The following PPP2R1B variants were observed in gnomAD, a reference collection of about 807,000 sequenced individuals.
PPP2R1B encodes serine/threonine-protein phosphatase 2A 65 kDa regulatory subunit A beta isoform.
A neutral mutation model predicts 72.7 loss-of-function variants in PPP2R1B; 58 were observed. The ratio of observed to expected loss-of-function variants is 0.80; its 90% confidence interval spans 0.65 to 0.99. The LOEUF is 0.99. PPP2R1B is among the 50% of genes least tolerant of loss of function. PPP2R1B has a pLI of 0.00. For missense variants in PPP2R1B, 695 were observed against 733.6 expected (o/e 0.95, Z 0.61); for synonymous variants, 256 against 264.6 (o/e 0.97, Z 0.32).
At chr11:111,765,433 T>C in intron 1 of PPP2R1B, 49 bp from the exon 2 acceptor site, 1 of 1,469,330 alleles carries the variant, frequency 6.8e-7, no homozygotes, top group Non-Finnish European at 9.4e-7. Flanking sequence ...AACGGCTGAA[T>C]TTAGATCAAA....
chr11:111,695,475 T>C, the PPP2R1B span, among the ~76,000 whole-genome samples: 1 of 152,220 alleles, frequency 6.6e-6, no homozygotes, highest in Non-Finnish European at 1.5e-5. Context: ...CCTATTTAAA[T>C]AAAAAACCTA....
downstream of PPP2R1B, chr11:111,723,684 A>T: frequency 6.2e-7 from 1 of 1,613,852 alleles, no homozygotes; most frequent in African/African-American, 1.3e-5. Flanking sequence ...CCCGTCCTGG[A>T]GCCTTCCTCC....
chr11:111,692,412 G>C, the PPP2R1B span, among the ~76,000 whole-genome samples: 1 of 133,852 alleles, frequency 7.5e-6, no homozygotes, highest in Non-Finnish European at 1.6e-5. Flanking sequence ...GAGGGAGAGA[G>C]AGAGATAGAG....
the PPP2R1B span, among the ~76,000 whole-genome samples, chr11:111,694,675 T>C: frequency 2.0e-5 from 3 of 152,336 alleles, no homozygotes; most frequent in East Asian, 1.9e-4. Context: ...CCACTAGCAT[T>C]ACGTAAAAAG....
chr11:111,726,915 C>CCG (rs781510853), exon 16 of PPP2R1B: 65 of 1,580,720 alleles, frequency 4.1e-5, no homozygotes, highest in Non-Finnish European at 5.6e-5. Context: ...GCAAAAAGTG[C>CCG]AATATGTGTG....
intron 3 of PPP2R1B, among the ~76,000 whole-genome samples, chr11:111,763,372 C>T (rs1176344271): frequency 6.6e-6 from 1 of 152,140 alleles, no homozygotes; most frequent in Non-Finnish European, 1.5e-5. Flanking sequence ...CCTACAGAGG[C>T]GGGTCATAAA....
At chr11:111,763,735 G>T (rs1184148470) in intron 3 of PPP2R1B, among the ~76,000 whole-genome samples, 2 of 152,228 alleles carry the variant, frequency 1.3e-5, no homozygotes, top group African/African-American at 4.8e-5. Flanking sequence ...CTAAATGAGA[G>T]GTGTATTTGG....
chr11:111,698,407 G>T, the PPP2R1B span, among the ~76,000 whole-genome samples: 5 of 152,342 alleles, frequency 3.3e-5, no homozygotes, highest in African/African-American at 1.2e-4. Flanking sequence ...CTGTGGGGAA[G>T]TTCAGAATGA....
chr11:111,719,960 T>A, the PPP2R1B span: 6 of 1,614,076 alleles, frequency 3.7e-6, no homozygotes, highest in South Asian at 6.6e-5. Context: ...GACGGCACAC[T>A]CTGTCAGAAG....
Position 111,760,876 on chromosome 11 carries a change from C to A in PPP2R1B, c.482G>T (p.Gly161Val), listed in dbSNP as rs1945297823. The A allele has an allele frequency of 6.2e-7, 1 of 1,614,212 alleles. No individual in the cohort carries two copies. The highest frequency in any genetic ancestry group is 1.7e-5 in the Admixed American group (1 of 60,026). ...CCTGGGATAGCAAACGCTGAACAAA[C>A]CACATGCAGATGTGCGAGAGGTGAA... is the stretch of plus-strand genomic sequence containing the variant. The part of the protein sequence containing the change: ...DWFTSRTSAC[G>V]LFSVCYPRAS... The change falls in exon 4 of 15, where the codon GGT (glycine) becomes GTT (valine). Residue 161 changes from glycine to valine, a missense_variant. Transcript: ENST00000527614.
In PPP2R1B at chr11:111,741,071, A is replaced by G; in HGVS notation, c.*525T>C. ...CCACATTCCCCTTTCACATGAGACT[A>G]ATGCAGACCATCATAATTCAGGAAA... On this transcript the variant is annotated 3_prime_UTR_variant, in exon 15 of 15. Transcript: ENST00000527614. 1 of 987,290 alleles carries G rather than the reference A, an allele frequency of 1.0e-6. No individual in the cohort carries two copies. The highest frequency in any genetic ancestry group is 1.2e-6 in the Non-Finnish European group (1 of 830,940). The allele number at this position is 987,290 out of a possible 1,614,324, so 61.2% of individuals were successfully genotyped here.
At chr11:111,765,045 A>G in intron 2 of PPP2R1B, 140 bp from the exon 3 acceptor site, 1 of 1,395,842 alleles carries the variant, frequency 7.2e-7, no homozygotes. Flanking sequence ...TTTCTTCTCA[A>G]CCGTCTTCCT....
At chr11:111,736,270 C>G (rs1317153068), downstream of PPP2R1B, among the ~76,000 whole-genome samples, 1 of 152,154 alleles carries the variant, frequency 6.6e-6, no homozygotes, top group Non-Finnish European at 1.5e-5. Flanking sequence ...CGGGCCCTGT[C>G]AGAGCTGAGC....
chr11:111,709,305 A>G, the PPP2R1B span, among the ~76,000 whole-genome samples: 1,058 of 152,308 alleles, frequency 6.9e-3, 15 homozygotes, highest in African/African-American at 0.024. Context: ...TCAGGACCTC[A>G]TTTAACCTTA....
intron 9 of PPP2R1B, 112 bp downstream of exon 9, chr11:111,753,331 T>C: frequency 1.4e-6 from 2 of 1,384,658 alleles, no homozygotes; most frequent in South Asian, 1.3e-5. Flanking sequence ...AAATAAGTTA[T>C]GATTTTTTTA....
chr11:111,748,662 C>T (rs1483192592), intron 10 of PPP2R1B, among the ~76,000 whole-genome samples: 9 of 152,164 alleles, frequency 5.9e-5, no homozygotes, highest in African/African-American at 1.7e-4. Flanking sequence ...CCTCTAACCC[C>T]GGGGCTTCCA....
rs1340688614 is a variant in PPP2R1B, at chr11:111,741,238, A to G, written c.*358T>C. On this transcript the variant is annotated 3_prime_UTR_variant, in exon 15 of 15. Transcript: ENST00000527614. The stretch of plus-strand genomic sequence containing the variant: ...AACGTCAAGAGAATCACTCCACTCC[A>G]CGTCTGGGTCCACACCCTTCCAGGC... 9.5e-7 allele frequency: 1 copy of G among 1,057,776 alleles called. No homozygotes were observed. Among genetic ancestry groups the G allele is most frequent in the Non-Finnish European group, 1.1e-6 (1 of 875,994 alleles). 65.5% of individuals were successfully genotyped at this position (1,057,776 alleles called of 1,614,324 possible). A position where few individuals can be genotyped will look rare whatever the true frequency, so the allele number is the denominator to read the frequency against.
rs544720987 is a variant in PPP2R1B, at chr11:111,738,776, T to C, written c.*2820A>G. The C allele has an allele frequency of 2.1e-4, 210 of 985,438 alleles. No homozygotes were observed. The highest frequency in any genetic ancestry group is 2.5e-4 in the Non-Finnish European group (205 of 829,944). The allele number at this position is 985,438 out of a possible 1,614,324, so 61.0% of individuals were successfully genotyped here. ...GTAGCACAGAGAGAGAAACAAGACC[T>C]GGTCTCTTAAACCTGTGAGGGGTAA... On this transcript the variant is annotated 3_prime_UTR_variant, in exon 15 of 15. Transcript: ENST00000527614.
the PPP2R1B span, among the ~76,000 whole-genome samples, chr11:111,720,190 T>A: frequency 8.5e-5 from 13 of 152,210 alleles, no homozygotes. Flanking sequence ...TTGAAATGTC[T>A]CTGAGTTGGC....
Sources: gnomAD v4.1 joint callset for allele counts (sites outside exome capture counted in the v4.1 genomes callset) on GRCh38, gnomAD v4.1.1 for gene constraint, MANE v1.5 for transcripts, NCBI Gene and HGNC (gene_info 2026-07-23, HGNC 2026-07-21) for gene names.